Variants in DCC observed in about 807,000 individuals in gnomAD.
DCC encodes the protein DCC netrin 1 receptor.
In DCC, 58 loss-of-function variants were observed where a neutral mutation model predicts 172.5. The observed-to-expected ratio is 0.34, with a 90% CI of 0.27 to 0.42. The LOEUF is 0.42. Ranked by LOEUF, DCC falls within the 10% of genes least tolerant of loss-of-function variation. The probability of loss-of-function intolerance (pLI) is 1.00; values close to 1 mark genes in which losing one functional copy is unlikely to be tolerated. For missense variants in DCC, 1,740 were observed against 1,791.0 expected (o/e 0.97, Z 0.51); for synonymous variants, 709 against 644.5 (o/e 1.10, Z -1.52).
At chr18:52,945,650 G>T (rs899140530) in intron 5 of DCC, among the ~76,000 whole-genome samples, 2 of 152,196 alleles carry the variant, frequency 1.3e-5, no homozygotes, top group South Asian at 2.1e-4. Flanking sequence ...CTGCCAGTGT[G>T]CACTGGCTTA....
intron 5 of DCC, among the ~76,000 whole-genome samples, chr18:52,963,083 C>G (rs1183530106): frequency 6.6e-6 from 1 of 150,804 alleles, no homozygotes; most frequent in Non-Finnish European, 1.5e-5. Context: ...CACTTGTACC[C>G]TAAAACTTAA....
chr18:53,001,823 CTT>C (rs1343209606), intron 5 of DCC, among the ~76,000 whole-genome samples: 4 of 151,954 alleles, frequency 2.6e-5, no homozygotes, highest in African/African-American at 9.7e-5. Flanking sequence ...TGATGAGAAA[CTT>C]ATCCTGGTCA....
chr18:53,449,894 C>T (rs2045385824), intron 22 of DCC, among the ~76,000 whole-genome samples: 1 of 152,014 alleles, frequency 6.6e-6, no homozygotes, highest in Non-Finnish European at 1.5e-5. Context: ...TGTTAGCTAT[C>T]CCTCCCCATT....
At chr18:53,409,865 G>A (rs1909879701) in intron 19 of DCC, among the ~76,000 whole-genome samples, 2 of 152,128 alleles carry the variant, frequency 1.3e-5, no homozygotes, top group Non-Finnish European at 2.9e-5. Flanking sequence ...CCCATACATA[G>A]TCTGGTGGTA....
chr18:52,842,752 T>G (rs1286639710), intron 2 of DCC, among the ~76,000 whole-genome samples: 1 of 152,186 alleles, frequency 6.6e-6, no homozygotes, highest in Non-Finnish European at 1.5e-5. Flanking sequence ...TGAGAACCAT[T>G]GAAATAGAGT....
chr18:53,261,503 A>G (rs1364588054), intron 12 of DCC, among the ~76,000 whole-genome samples: 3 of 151,910 alleles, frequency 2.0e-5, no homozygotes, highest in Non-Finnish European at 4.4e-5. Flanking sequence ...GATCACCACA[A>G]CTTAATCTGA....
intron 1 of DCC, among the ~76,000 whole-genome samples, chr18:52,434,772 A>G (rs1987736409): frequency 6.6e-6 from 1 of 151,910 alleles, no homozygotes; most frequent in African/African-American, 2.4e-5. Flanking sequence ...TATTTTATTA[A>G]CACTGTTACA....
intron 9 of DCC, among the ~76,000 whole-genome samples, chr18:53,192,871 C>T (rs932186939): frequency 6.6e-6 from 1 of 152,170 alleles, no homozygotes; most frequent in Non-Finnish European, 1.5e-5. Context: ...TCCAGTGTTT[C>T]CTTTCTCAGT....
Position 52,668,701 on chromosome 18 carries a change from A to G in DCC, c.92-83353A>G, listed in dbSNP as rs138857256. On this transcript the variant is annotated intron_variant, in intron 1 of 28. Coordinates refer to ENST00000442544, the MANE Select transcript of DCC (RefSeq NM_005215.4). Reference sequence around the variant, plus strand: ...TTCTCAAATAATGGAAGCCTTGGTTAAAACAAATATTTCCAATATCTGATC... The same window carrying G: ...TTCTCAAATAATGGAAGCCTTGGTTGAAACAAATATTTCCAATATCTGATC... 6.4e-3 allele frequency among the ~76,000 whole-genome samples: 975 copies of G among 152,348 alleles called. 15 individuals carry two copies. The highest frequency in any genetic ancestry group is 0.022 in the African/African-American group (928 of 41,576).
chr18:52,784,525 C>T (rs1598799425), intron 2 of DCC, among the ~76,000 whole-genome samples: 2 of 151,996 alleles, frequency 1.3e-5, no homozygotes, highest in South Asian at 2.1e-4. Flanking sequence ...ATTTGCATTC[C>T]CATGAACAGT....
chr18:52,521,496 C>T (rs2031814579), intron 1 of DCC, among the ~76,000 whole-genome samples: 1 of 152,106 alleles, frequency 6.6e-6, no homozygotes, highest in Admixed American at 6.6e-5. Context: ...TTGCAGATGG[C>T]CACCTTCTTA....
chr18:53,398,221 G>T (rs1599106134), intron 18 of DCC, among the ~76,000 whole-genome samples: 1 of 151,974 alleles, frequency 6.6e-6, no homozygotes, highest in Non-Finnish European at 1.5e-5. Flanking sequence ...TGCTAATAAA[G>T]CTGTTTCCTG....
intron 15 of DCC, among the ~76,000 whole-genome samples, chr18:53,355,290 A>G (rs2057865272): frequency 4.2e-5 from 1 of 23,888 alleles, no homozygotes; most frequent in Non-Finnish European, 1.0e-4. Context: ...ACCTTAAAGT[A>G]GGTTTTTCCA....
chr18:52,823,340 C>T (rs1014353626), intron 2 of DCC, among the ~76,000 whole-genome samples: 3 of 152,002 alleles, frequency 2.0e-5, no homozygotes, highest in Non-Finnish European at 4.4e-5. Context: ...CTGGGTGGAT[C>T]GACAAGTGAA....
intron 1 of DCC, among the ~76,000 whole-genome samples, chr18:52,450,319 G>T (rs1264622601): frequency 6.6e-6 from 1 of 152,148 alleles, no homozygotes; most frequent in African/African-American, 2.4e-5. Context: ...TAATTTAGTT[G>T]GGTGGCTCCT....
chr18:52,976,201 GT>G (rs1013927153), intron 5 of DCC, among the ~76,000 whole-genome samples: 19 of 147,590 alleles, frequency 1.3e-4, no homozygotes, highest in South Asian at 6.4e-4. Context: ...ATAGGGTCAT[GT>G]TTTTTTTTTG....
intron 1 of DCC, among the ~76,000 whole-genome samples, chr18:52,634,802 C>G (rs1018300202): frequency 9.9e-5 from 15 of 152,126 alleles, no homozygotes; most frequent in African/African-American, 3.4e-4. Flanking sequence ...TTCTGTCCAT[C>G]TCTGAGGTGC....
intron 7 of DCC, among the ~76,000 whole-genome samples, chr18:53,079,471 C>T (rs548810888): frequency 3.3e-5 from 5 of 152,092 alleles, no homozygotes; most frequent in African/African-American, 4.8e-5. Flanking sequence ...AATAACAACA[C>T]TAAAACCTCA....
intron 1 of DCC, among the ~76,000 whole-genome samples, chr18:52,629,023 A>G (rs931713593): frequency 1.3e-5 from 2 of 152,190 alleles, no homozygotes; most frequent in African/African-American, 4.8e-5. Context: ...AGTAGATTTA[A>G]ATTGGTGCAG....
Sources: gnomAD v4.1 joint callset for allele counts (sites outside exome capture counted in the v4.1 genomes callset) on GRCh38, gnomAD v4.1.1 for gene constraint, MANE v1.5 for transcripts, NCBI Gene and HGNC (gene_info 2026-07-23, HGNC 2026-07-21) for gene names.